Variants in DDX46 observed in about 807,000 individuals in gnomAD.
DDX46 encodes the protein DEAD-box helicase 46, also known as probable ATP-dependent RNA helicase DDX46.
A neutral mutation model predicts 134.9 loss-of-function variants in DDX46; 30 were observed. The ratio of observed to expected loss-of-function variants is 0.22; its 90% CI spans 0.17 to 0.30. The LOEUF is 0.30. Among genes scored for constraint, DDX46 ranks in the 10% least tolerant of loss-of-function variants. The pLI is 1.00. For missense variants in DDX46, 622 were observed against 1,248.7 expected, an observed-to-expected ratio of 0.50 and a Z score of 7.56; for synonymous variants, 415 against 404.1, an observed-to-expected ratio of 1.03 and a Z score of -0.32.
intron 14 of DDX46, 41 bp from the exon 15 acceptor site, chr5:134,795,947 C>T (rs1754642752): frequency 6.3e-7 from 1 of 1,577,932 alleles, no homozygotes; most frequent in Admixed American, 1.8e-5. Context: ...GATCCATTTG[C>T]ATTTTCACTT....
chr5:134,777,860 C>A, intron 6 of DDX46, 135 bp downstream of exon 6: 1 of 1,065,110 alleles, frequency 9.4e-7, no homozygotes, highest in Non-Finnish European at 1.3e-6. Context: ...GATGGCAGTA[C>A]TTTTTCTGAG....
intron 8 of DDX46, 116 bp downstream of exon 8, chr5:134,782,202 T>C: frequency 8.6e-7 from 1 of 1,157,014 alleles, no homozygotes; most frequent in South Asian, 1.8e-5. Context: ...GGAAATATTT[T>C]TAAAATGATC....
In DDX46 at chr5:134,788,684, A is replaced by G. The variant is rs147588514; in HGVS notation, c.1543+93A>G. On this transcript the variant is annotated intron_variant, in intron 12 of 22. Transcript: ENST00000452510. The stretch of plus-strand genomic sequence containing the variant: ...TGCAAGAAACCAACAAAGGGTTTCT[A>G]TATTTCTTCTTAAAGCTGCAGTATC... The G allele has an allele frequency of 7.2e-3, 8,239 of 1,147,928 alleles. 55 individuals carry two copies. The highest frequency in any genetic ancestry group is 0.033 in the Middle Eastern group (124 of 3,712). 71.1% of individuals were successfully genotyped at this position (1,147,928 alleles called of 1,614,324 possible).
At chr5:134,766,840 A>C (rs551657004) in intron 2 of DDX46, 77 bp from the exon 3 acceptor site, 1 of 1,482,170 alleles carries the variant, frequency 6.7e-7, no homozygotes, top group South Asian at 1.4e-5. Context: ...GATTCTTTCA[A>C]TGTGGGACAG....
chr5:134,827,085 C>A, intron 22 of DDX46, 65 bp downstream of exon 22: 1 of 1,447,122 alleles, frequency 6.9e-7, no homozygotes, highest in Non-Finnish European at 9.4e-7. Context: ...AATATAAATA[C>A]AGAGAAGTAC....
At chr5:134,780,662 AAATAT>A (rs1349516158) in intron 6 of DDX46, 1 of 151,272 alleles carries the variant, frequency 6.6e-6, no homozygotes, top group South Asian at 2.1e-4. Context: ...ATGTATTATA[AAATAT>A]AATTATATTA....
In DDX46 at chr5:134,781,952, A is replaced by G. The variant is rs1287249545; in HGVS notation, c.911A>G (p.Gln304Arg). The change falls in exon 8 of 23, where the codon CAG becomes CGG. Residue 304 changes from glutamine to arginine, a missense_variant. Gln to Arg is a conservative substitution (Grantham distance 43, BLOSUM62 1). Around this residue, in one of 8 missense-constraint regions of DDX46, gnomAD observed 9 missense variants for 37.7 expected, o/e 0.24. Transcript: ENST00000452510. ...TCAGAGGAGGAAGAAGTTGATCTTC[A>G]GACAGCCCTTACAGGGTATCAAACA... ...YSSEEEEVDL[Q>R]TALTGYQTKQ... is the part of the protein sequence containing the mutation. 6.2e-7 allele frequency: 1 copy of G among 1,607,506 alleles called. No individual in the cohort carries two copies. The highest frequency in any genetic ancestry group is 1.1e-5 in the South Asian group (1 of 89,674).
intron 16 of DDX46, among the ~76,000 whole-genome samples, chr5:134,808,756 C>T (rs1348633336): frequency 6.6e-6 from 1 of 152,126 alleles, no homozygotes; most frequent in African/African-American, 2.4e-5. Flanking sequence ...CTAACTCATT[C>T]CTTCTAGAGG....
At chr5:134,760,929 C>A (rs1338157122) in intron 1 of DDX46, among the ~76,000 whole-genome samples, 1 of 152,094 alleles carries the variant, frequency 6.6e-6, no homozygotes, top group Non-Finnish European at 1.5e-5. Context: ...CGGGGTTTCA[C>A]CGTGTTAGCC....
chr5:134,771,032 CT>C (rs754663758), intron 4 of DDX46, 33 bp downstream of exon 4: 1 of 908,264 alleles, frequency 1.1e-6, no homozygotes, highest in South Asian at 1.5e-5. Flanking sequence ...AATTTTCTTT[CT>C]TTCTTTTTGT....
rs149486203 is a variant in DDX46, at chr5:134,771,162, A to C, written c.447+163A>C. On this transcript the variant is annotated intron_variant, in intron 4 of 22. Coordinates refer to ENST00000452510, the MANE Select transcript of DDX46 (RefSeq NM_001300860.2). Reference sequence around the variant, plus strand: ...TGTCTGTCTCTGTTGCCCAGGCTGGAGTGCAGTGGCACATTCTCGGCTCCT... The same window carrying C: ...TGTCTGTCTCTGTTGCCCAGGCTGGCGTGCAGTGGCACATTCTCGGCTCCT... Among the ~76,000 whole-genome samples, 1,276 of 148,892 alleles carry C rather than the reference A, an allele frequency of 8.6e-3. 5 individuals are homozygous for C. The highest frequency in any genetic ancestry group is 0.042 in the Middle Eastern group (12 of 288).
intron 13 of DDX46, among the ~76,000 whole-genome samples, chr5:134,794,402 A>G (rs755027719): frequency 1.3e-5 from 2 of 152,242 alleles, no homozygotes; most frequent in Non-Finnish European, 2.9e-5. Context: ...AGATTCTATC[A>G]GCACAATTGT....
At chr5:134,777,814 T>C (rs1457464908) in intron 6 of DDX46, 89 bp downstream of exon 6, 10 of 1,439,090 alleles carry the variant, frequency 6.9e-6, no homozygotes, top group Non-Finnish European at 9.3e-6. Context: ...GGCATGACTT[T>C]GTAAAGCTAA....
At chr5:134,778,619 G>A (rs1561856956) in intron 6 of DDX46, among the ~76,000 whole-genome samples, 1 of 151,954 alleles carries the variant, frequency 6.6e-6, no homozygotes, top group Non-Finnish European at 1.5e-5. Flanking sequence ...TATTGCCCAA[G>A]CGGGAGTGCA....
At chr5:134,771,421 G>C (rs557978481) in intron 4 of DDX46, among the ~76,000 whole-genome samples, 1 of 138,460 alleles carries the variant, frequency 7.2e-6, no homozygotes, top group East Asian at 2.3e-4. Flanking sequence ...GGCCAGGCAC[G>C]GTGGCTCACG....
intron 21 of DDX46, among the ~76,000 whole-genome samples, chr5:134,820,520 A>G (rs1755412503): frequency 6.6e-6 from 1 of 151,752 alleles, no homozygotes; most frequent in African/African-American, 2.4e-5. Flanking sequence ...GTGCTACCAT[A>G]CCTGGCTAAT....
chr5:134,777,895 G>T, intron 6 of DDX46, 170 bp downstream of exon 6: 1 of 667,172 alleles, frequency 1.5e-6, no homozygotes, highest in Non-Finnish European at 2.3e-6. Context: ...GTAAATTTTA[G>T]CTATAAGTGT....
In DDX46 at chr5:134,830,946, G is replaced by A. The variant is rs998639324; in HGVS notation, c.*2240G>A. On this transcript the variant is annotated 3_prime_UTR_variant, in exon 23 of 23. Coordinates refer to ENST00000452510, the MANE Select transcript of DDX46 (RefSeq NM_001300860.2). ...ATTTTGTTTGTATATCAGTTGTGAT[G>A]AGCCACTGATAAAATTTTGTTCTAA... is the stretch of plus-strand genomic sequence containing the variant. The A allele has an allele frequency of 6.6e-6, 1 of 152,532 alleles. No individual in the cohort carries two copies. Among genetic ancestry groups the A allele is most frequent in the Non-Finnish European group, 1.5e-5 (1 of 68,016 alleles). 9.4% of individuals were successfully genotyped at this position (152,532 alleles called of 1,614,324 possible).
intron 12 of DDX46, among the ~76,000 whole-genome samples, chr5:134,789,742 A>G (rs1029613240): frequency 6.6e-6 from 1 of 152,172 alleles, no homozygotes; most frequent in Non-Finnish European, 1.5e-5. Flanking sequence ...GTTGATAGCA[A>G]TGCTTCTGTT....
Sources: allele counts gnomAD v4.1 joint callset (sites outside exome capture counted in the v4.1 genomes callset), GRCh38; gene constraint gnomAD v4.1.1; regional missense constraint gnomAD v4.1.1; transcripts MANE v1.5; gene names NCBI Gene and HGNC (gene_info 2026-07-23, HGNC 2026-07-21).